The following SEMA3E variants were observed in gnomAD, a reference collection of about 807,000 sequenced individuals.
SEMA3E encodes the protein semaphorin-3E.
A neutral mutation model predicts 93.6 loss-of-function variants in SEMA3E; 49 were observed. That is an observed-to-expected ratio of 0.52 (90% CI 0.42 to 0.66). SEMA3E has a LOEUF of 0.66. Ranked by LOEUF, SEMA3E falls within the 30% of genes least tolerant of loss-of-function variation. SEMA3E has a pLI of 0.00. For synonymous variants in SEMA3E, 363 were observed against 330.7 expected (o/e 1.10, Z -1.06); for missense variants, 906 against 964.8 (o/e 0.94, Z 0.81).
At chr7:83,598,045 T>C (rs215321) in intron 1 of SEMA3E, among the ~76,000 whole-genome samples, 38,772 of 152,104 alleles carry the variant, frequency 0.25, 5,008 homozygotes, top group Middle Eastern at 0.31. Context: ...CTTTGTACTG[T>C]TGTAACAAAG....
chr7:83,431,295 GT>G (rs911513139), intron 4 of SEMA3E, among the ~76,000 whole-genome samples: 159 of 151,732 alleles, frequency 1.0e-3, no homozygotes, highest in African/African-American at 3.7e-3. Context: ...TATCTGAAAT[GT>G]AAAAATTAAT....
chr7:83,431,430 T>C (rs2722968), intron 4 of SEMA3E, among the ~76,000 whole-genome samples: 81,114 of 151,876 alleles, frequency 0.53, 23,521 homozygotes, highest in East Asian at 0.85. Context: ...TAATATAATA[T>C]GATTAAGGGT....
chr7:83,546,321 GGTGTGTGTGTGTGT>G (rs67647992), intron 1 of SEMA3E, among the ~76,000 whole-genome samples: 154 of 129,460 alleles, frequency 1.2e-3, no homozygotes, highest in African/African-American at 3.3e-3. Context: ...TATAATAAGG[GGTGTGTGTGTGTGT>G]GTGTGTGTGT....
intron 1 of SEMA3E, among the ~76,000 whole-genome samples, chr7:83,580,675 A>G (rs1300875527): frequency 6.6e-6 from 1 of 151,970 alleles, no homozygotes; most frequent in African/African-American, 2.4e-5. Flanking sequence ...CACGTGATAA[A>G]TTTCTTTTCC....
intron 5 of SEMA3E, among the ~76,000 whole-genome samples, chr7:83,411,933 T>C (rs973561814): frequency 6.6e-6 from 1 of 152,180 alleles, no homozygotes; most frequent in Non-Finnish European, 1.5e-5. Flanking sequence ...ATAGTCTTTA[T>C]ATAGAGAAGA....
At chr7:83,481,295 A>C (rs1790140935) in intron 2 of SEMA3E, among the ~76,000 whole-genome samples, 2 of 152,154 alleles carry the variant, frequency 1.3e-5, no homozygotes, top group African/African-American at 2.4e-5. Flanking sequence ...TTAATTTTTT[A>C]CTTAGACAAT....
chr7:83,495,828 G>A (rs1368023773), intron 1 of SEMA3E, among the ~76,000 whole-genome samples: 1 of 151,778 alleles, frequency 6.6e-6, no homozygotes, highest in African/African-American at 2.4e-5. Flanking sequence ...CTCTTCTAGA[G>A]ACCTATGTAA....
intron 1 of SEMA3E, among the ~76,000 whole-genome samples, chr7:83,512,741 A>T (rs1252978965): frequency 6.6e-6 from 1 of 152,214 alleles, no homozygotes; most frequent in African/African-American, 2.4e-5. Flanking sequence ...TACTTTGAAT[A>T]TGATGATACA....
chr7:83,646,310 C>G (rs302118), intron 1 of SEMA3E, among the ~76,000 whole-genome samples: 109,549 of 151,918 alleles, frequency 0.72, 40,016 homozygotes, highest in African/African-American at 0.83. Context: ...ATTCCAGAGT[C>G]TAGAGAGATA....
intron 1 of SEMA3E, among the ~76,000 whole-genome samples, chr7:83,566,161 C>G (rs1250110432): frequency 7.1e-6 from 1 of 141,232 alleles, no homozygotes; most frequent in Non-Finnish European, 1.5e-5. Flanking sequence ...CCACACCTGG[C>G]TATTTTTTTT....
intron 1 of SEMA3E, among the ~76,000 whole-genome samples, chr7:83,511,510 C>G (rs1031278968): frequency 2.0e-5 from 3 of 152,014 alleles, no homozygotes; most frequent in African/African-American, 7.3e-5. Flanking sequence ...GGGTAAGGGT[C>G]TAGAGCAATC....
intron 11 of SEMA3E, among the ~76,000 whole-genome samples, chr7:83,399,107 C>G (rs1788185456): frequency 6.6e-6 from 1 of 152,056 alleles, no homozygotes; most frequent in African/African-American, 2.4e-5. Flanking sequence ...AATTATATAT[C>G]TATAATTAAA....
At chr7:83,491,248 A>G (rs73174569) in intron 1 of SEMA3E, among the ~76,000 whole-genome samples, 4,433 of 152,164 alleles carry the variant, frequency 0.029, 93 homozygotes, top group African/African-American at 0.061. Flanking sequence ...TCTGAGAAAG[A>G]AGAGCTGAAG....
chr7:83,510,308 G>A (rs1472835836), intron 1 of SEMA3E, among the ~76,000 whole-genome samples: 1 of 152,080 alleles, frequency 6.6e-6, no homozygotes, highest in East Asian at 1.9e-4. Context: ...TAAAAATTCA[G>A]CTCTGATGAG....
intron 10 of SEMA3E, among the ~76,000 whole-genome samples, chr7:83,402,407 T>A (rs1328456353): frequency 1.3e-5 from 2 of 151,886 alleles, no homozygotes; most frequent in African/African-American, 2.4e-5. Flanking sequence ...ACATATTTTA[T>A]AATACTGCTG....
intron 1 of SEMA3E, among the ~76,000 whole-genome samples, chr7:83,540,081 C>G (rs1407653224): frequency 6.6e-6 from 1 of 152,084 alleles, no homozygotes; most frequent in African/African-American, 2.4e-5. Context: ...ACGGCGTTTG[C>G]CATGTTGGCC....
At chr7:83,623,353 C>T (rs1008760177) in intron 1 of SEMA3E, among the ~76,000 whole-genome samples, 4 of 151,908 alleles carry the variant, frequency 2.6e-5, no homozygotes, top group African/African-American at 7.3e-5. Context: ...ATCTCTAATC[C>T]GAGGCATAAA....
At position 83,618,039 on chromosome 7, in the gene SEMA3E, C is replaced by A. The variant is rs143627133; in HGVS notation, c.115+30389G>T. On this transcript the variant is annotated intron_variant, in intron 1 of 16. Coordinates refer to ENST00000643230, the MANE Select transcript of SEMA3E (RefSeq NM_012431.3). Reference sequence around the variant, plus strand: ...TTGTGCATTTTGCTTTACTCATCACCTACCTTTTATGGTCAAAGTGGGATG... The same window carrying A: ...TTGTGCATTTTGCTTTACTCATCACATACCTTTTATGGTCAAAGTGGGATG... Among the ~76,000 whole-genome samples, 34 of 152,170 alleles carry A rather than the reference C, an allele frequency of 2.2e-4. No individual in the cohort carries two copies. In the East Asian group the frequency reaches 6.4e-3, roughly 28 times the overall value.
At chr7:83,570,551 T>C (rs1584337998) in intron 1 of SEMA3E, among the ~76,000 whole-genome samples, 1 of 18,766 alleles carries the variant, frequency 5.3e-5, no homozygotes, top group African/African-American at 1.1e-3. Context: ...AGACTCCGTC[T>C]CAAAAAAAAA....
Sources: allele counts gnomAD v4.1 joint callset (sites outside exome capture counted in the v4.1 genomes callset), GRCh38; gene constraint gnomAD v4.1.1; transcripts MANE v1.5; gene names NCBI Gene and HGNC (gene_info 2026-07-23, HGNC 2026-07-21).